ERICH1: variants seen among roughly 807,000 people sequenced by gnomAD.
ERICH1 encodes the protein glutamate-rich protein 1.
A neutral mutation model predicts 39.6 loss-of-function variants in ERICH1; 56 were observed. The observed-to-expected ratio is 1.41, with a 90% confidence interval of 1.14 to 1.77. The LOEUF is 1.77. Ranked by LOEUF, ERICH1 falls within the 40% of genes most tolerant of loss-of-function variation. The pLI, the probability that ERICH1 is intolerant of heterozygous loss-of-function variation, is 0.00. For synonymous variants in ERICH1, 313 were observed against 223.6 expected, an observed-to-expected ratio of 1.40 and a Z score of -3.57; for missense variants, 826 against 575.4, an observed-to-expected ratio of 1.44 and a Z score of -4.45.
At chr8:630,244 C>A (rs1584958957) in intron 3 of ERICH1, among the ~76,000 whole-genome samples, 4 of 132,422 alleles carry the variant, frequency 3.0e-5, no homozygotes, top group Admixed American at 7.7e-5. Flanking sequence ...ACAGACAGAG[C>A]TGACTCACAC....
intron 2 of ERICH1, among the ~76,000 whole-genome samples, chr8:710,118 C>T (rs1374902780): frequency 1.3e-5 from 2 of 152,204 alleles, no homozygotes; most frequent in African/African-American, 4.8e-5. Context: ...AATAAACCTA[C>T]GCTGACACAC....
intron 2 of ERICH1, among the ~76,000 whole-genome samples, chr8:710,715 T>A (rs1054356527): frequency 1.3e-5 from 2 of 152,358 alleles, no homozygotes; most frequent in East Asian, 3.9e-4. Context: ...GTTCATTTCT[T>A]TTTAGCCCTG....
At chr8:650,872 G>C (rs1799859788) in intron 3 of ERICH1, among the ~76,000 whole-genome samples, 1 of 152,250 alleles carries the variant, frequency 6.6e-6, no homozygotes. Flanking sequence ...GAGAGCCCTG[G>C]AGTGTGTTAT....
chr8:617,512 T>C (rs9657375), intron 3 of ERICH1, among the ~76,000 whole-genome samples: 118,184 of 151,898 alleles, frequency 0.78, 46,857 homozygotes, highest in East Asian at 0.99. Context: ...GCTGAGGGCT[T>C]GGTGCTTGGT....
intron 3 of ERICH1, among the ~76,000 whole-genome samples, chr8:640,089 G>C (rs1357172546): frequency 1.3e-5 from 2 of 152,146 alleles, no homozygotes; most frequent in Non-Finnish European, 2.9e-5. Flanking sequence ...CTTCACAGAG[G>C]AAGAAACTCA....
chr8:702,556 T>C (rs1563305212), intron 2 of ERICH1, among the ~76,000 whole-genome samples: 1 of 152,106 alleles, frequency 6.6e-6, no homozygotes, highest in Admixed American at 6.5e-5. Flanking sequence ...AACAGACACT[T>C]AGAAGAAGAA....
chr8:662,968 GC>G (rs1233663834), downstream of ERICH1, among the ~76,000 whole-genome samples: 1 of 152,232 alleles, frequency 6.6e-6, no homozygotes, highest in African/African-American at 2.4e-5. Flanking sequence ...CTCATGTGTG[GC>G]CTCCTGGGAA....
At chr8:707,570 T>C (rs1461611755) in intron 2 of ERICH1, among the ~76,000 whole-genome samples, 3 of 152,108 alleles carry the variant, frequency 2.0e-5, no homozygotes, top group Non-Finnish European at 2.9e-5. Context: ...CCACAACTGG[T>C]GTTAAGACAA....
intron 2 of ERICH1, among the ~76,000 whole-genome samples, chr8:708,756 C>T (rs1814032912): frequency 1.5e-5 from 2 of 134,136 alleles, no homozygotes; most frequent in South Asian, 5.0e-4. Flanking sequence ...TGCAGTGGCA[C>T]AGTCTTGGCT....
At chr8:718,231 A>G (rs1816480812) in intron 1 of ERICH1, among the ~76,000 whole-genome samples, 2 of 151,524 alleles carry the variant, frequency 1.3e-5, no homozygotes, top group African/African-American at 2.4e-5. Context: ...ACACCAGGGT[A>G]TGGATCGGAG....
chr8:621,798 T>C (rs181039310), intron 3 of ERICH1, among the ~76,000 whole-genome samples: 81 of 152,362 alleles, frequency 5.3e-4, no homozygotes, highest in African/African-American at 1.8e-3. Flanking sequence ...AAAAGGATTA[T>C]AAGTGAATAA....
In ERICH1 at chr8:676,480, G is replaced by C. The variant is rs1220329807; in HGVS notation, c.305-2433C>G. Among the ~76,000 whole-genome samples, 109 of 134,228 alleles carry C rather than the reference G, an allele frequency of 8.1e-4. 1 individual carries two copies. The highest frequency in any genetic ancestry group is 1.4e-3 in the Non-Finnish European group (91 of 62,798). The allele number at this position is 134,228 out of a possible 152,430, so 88.1% of individuals were successfully genotyped here. On this transcript the variant is annotated intron_variant, in intron 3 of 5. Coordinates refer to ENST00000262109, the MANE Select transcript of ERICH1 (RefSeq NM_207332.3). ...AGAGACGCGGCGGCCCCTCGGCGAGGACAGAGACGCGGCGGCCCCTCGTGA... is the reference window on the plus strand; with the variant it reads ...AGAGACGCGGCGGCCCCTCGGCGAGCACAGAGACGCGGCGGCCCCTCGTGA...
At chr8:629,084 T>C (rs559478231) in intron 3 of ERICH1, among the ~76,000 whole-genome samples, 2 of 151,798 alleles carry the variant, frequency 1.3e-5, no homozygotes, top group South Asian at 4.2e-4. Context: ...AGTCCGAAGG[T>C]TGGAAATCAT....
At chr8:621,147 TA>T (rs1254835242) in intron 3 of ERICH1, among the ~76,000 whole-genome samples, 1 of 151,738 alleles carries the variant, frequency 6.6e-6, no homozygotes, top group Non-Finnish European at 1.5e-5. Flanking sequence ...ATGTGAAAAT[TA>T]AACAATACAC....
chr8:708,680 A>AGTTTTTTTTTT (rs1554526138), intron 2 of ERICH1, among the ~76,000 whole-genome samples: 9,111 of 54,394 alleles, frequency 0.17, 1,362 homozygotes, highest in East Asian at 0.26. Context: ...CGGGATAATG[A>AGTTTTTTTTTT]GTTTTTTTTT....
At chr8:730,574 G>GT (rs2132520056) in intron 1 of ERICH1, among the ~76,000 whole-genome samples, 1 of 152,328 alleles carries the variant, frequency 6.6e-6, no homozygotes, top group African/African-American at 2.4e-5. Flanking sequence ...GCACGGCCAG[G>GT]TTAACCAATT....
intron 3 of ERICH1, among the ~76,000 whole-genome samples, chr8:676,635 C>T (rs2131901336): frequency 6.6e-6 from 1 of 152,300 alleles, no homozygotes; most frequent in East Asian, 1.9e-4. Context: ...AGGCCAAGAA[C>T]AGACGGCACA....
intron 1 of ERICH1, 103 bp downstream of exon 1, chr8:731,037 G>A (rs1290645949): frequency 1.5e-6 from 2 of 1,298,078 alleles, no homozygotes; most frequent in East Asian, 3.1e-5. Context: ...GTTTGGGGTG[G>A]GGCCTGGAAA....
At chr8:715,215 G>A (rs1203266667) in intron 2 of ERICH1, among the ~76,000 whole-genome samples, 2 of 151,418 alleles carry the variant, frequency 1.3e-5, no homozygotes, top group East Asian at 3.9e-4. Flanking sequence ...GTCTCTTCTC[G>A]TGTCTCTCAG....
Sources: allele counts gnomAD v4.1 joint callset (sites outside exome capture counted in the v4.1 genomes callset), GRCh38; gene constraint gnomAD v4.1.1; transcripts MANE v1.5; gene names NCBI Gene and HGNC (gene_info 2026-07-23, HGNC 2026-07-21).